Variants in EPHB2 observed in about 807,000 individuals in gnomAD.
EPHB2 encodes EPH receptor B2.
A neutral mutation model predicts 96.4 loss-of-function variants in EPHB2; 18 were observed. The observed-to-expected ratio is 0.19, with a 90% CI of 0.13 to 0.28. EPHB2 has a LOEUF of 0.28. Ranked by LOEUF, EPHB2 falls within the 10% of genes least tolerant of loss-of-function variation. The pLI, the probability that EPHB2 is intolerant of heterozygous loss-of-function variation, is 1.00. For synonymous variants in EPHB2, 506 were observed against 534.1 expected, an observed-to-expected ratio of 0.95 and a Z score of 0.72; for missense variants, 989 against 1,355.4, an observed-to-expected ratio of 0.73 and a Z score of 4.25.
chr1:22,895,642 T>A, intron 8 of EPHB2, 62 bp downstream of exon 8: 1 of 1,437,790 alleles, frequency 7.0e-7, no homozygotes, highest in Non-Finnish European at 9.8e-7. Flanking sequence ...CTCTCTCTAT[T>A]CAGTCATCCC....
rs1238491852 is a variant in EPHB2 at position 22,858,556 on chromosome 1, A to G, written c.812-4481A>G. Among the ~76,000 whole-genome samples the G allele has an allele frequency of 6.6e-6, 1 of 152,072 alleles. No individual in the cohort carries two copies. The highest frequency in any genetic ancestry group is 2.4e-5 in the African/African-American group (1 of 41,376). ...AGCCCACACGCCCGTCAGAGGTACAACTGCCTTCCTGTGTTTCAGGTCTCA... is the reference window on the plus strand; with the variant it reads ...AGCCCACACGCCCGTCAGAGGTACAGCTGCCTTCCTGTGTTTCAGGTCTCA... On this transcript the variant is annotated intron_variant, in intron 3 of 15. Transcript: ENST00000374630. The surrounding 1 kb of genome is among the most constrained non-coding windows in gnomAD (Gnocchi z 7.7).
chr1:22,878,580 A>C (rs887342401), intron 5 of EPHB2, among the ~76,000 whole-genome samples: 16 of 152,212 alleles, frequency 1.1e-4, no homozygotes, highest in African/African-American at 3.9e-4. Context: ...CCAGCACCCC[A>C]CTCAGACCTT....
chr1:22,912,681 G>A (rs1247654300), intron 15 of EPHB2, 82 bp downstream of exon 15: 7 of 1,588,968 alleles, frequency 4.4e-6, no homozygotes, highest in Admixed American at 3.3e-5. Flanking sequence ...GATCTGGAGG[G>A]TGAGGAATAG....
chr1:22,896,937 A>G (rs1386649133), intron 9 of EPHB2, among the ~76,000 whole-genome samples: 4 of 152,240 alleles, frequency 2.6e-5, no homozygotes, highest in Non-Finnish European at 2.9e-5. Flanking sequence ...ATATTTGCAG[A>G]ATAAATAAAT....
At chr1:22,751,354 C>G (rs1486373712) in intron 1 of EPHB2, among the ~76,000 whole-genome samples, 1 of 152,146 alleles carries the variant, frequency 6.6e-6, no homozygotes. Context: ...GCTCACCTGC[C>G]CAGAAGTGTC....
At chr1:22,870,900 C>T (rs922523114) in intron 5 of EPHB2, among the ~76,000 whole-genome samples, 2 of 152,186 alleles carry the variant, frequency 1.3e-5, no homozygotes, top group African/African-American at 2.4e-5. Context: ...ATAGCTTCGC[C>T]CTCTCCTTAC....
At chr1:22,755,086 C>A (rs1644128626) in intron 1 of EPHB2, among the ~76,000 whole-genome samples, 1 of 152,120 alleles carries the variant, frequency 6.6e-6, no homozygotes, top group Non-Finnish European at 1.5e-5. Context: ...GAGGTGTTAA[C>A]GTCTCAGCAG....
At chr1:22,893,602 A>G (rs1639461271) in intron 7 of EPHB2, among the ~76,000 whole-genome samples, 1 of 152,168 alleles carries the variant, frequency 6.6e-6, no homozygotes, top group African/African-American at 2.4e-5. Context: ...GAAGCAGCAC[A>G]GTTTAAAGAA....
intron 3 of EPHB2, among the ~76,000 whole-genome samples, chr1:22,829,890 T>G (rs1291538904): frequency 2.0e-5 from 3 of 152,094 alleles, no homozygotes; most frequent in Non-Finnish European, 2.9e-5. Context: ...CAGGAATCAT[T>G]AGGAGCTTTT....
At chr1:22,905,582 G>A (rs115534942) in intron 9 of EPHB2, among the ~76,000 whole-genome samples, 1,798 of 152,224 alleles carry the variant, frequency 0.012, 32 homozygotes, top group African/African-American at 0.041. Context: ...GTTCCAATTC[G>A]CTCCCTTCCT....
At chr1:22,735,920 G>C (rs529216681) in intron 1 of EPHB2, among the ~76,000 whole-genome samples, 1 of 152,288 alleles carries the variant, frequency 6.6e-6, no homozygotes, top group Admixed American at 6.5e-5. Context: ...GCAGCCTAAG[G>C]TATCTTGTAC....
At chr1:22,849,943 G>A (rs1052978361) in intron 3 of EPHB2, among the ~76,000 whole-genome samples, 4 of 146,056 alleles carry the variant, frequency 2.7e-5, no homozygotes, top group South Asian at 2.1e-4. Context: ...CTGCATCCCC[G>A]GGGGGTCCGG....
At chr1:22,777,552 A>G (rs1183884112) in intron 1 of EPHB2, among the ~76,000 whole-genome samples, 1 of 152,204 alleles carries the variant, frequency 6.6e-6, no homozygotes, top group Non-Finnish European at 1.5e-5. Flanking sequence ...GGCAATAACT[A>G]TTAACTCCAG....
intron 3 of EPHB2, among the ~76,000 whole-genome samples, chr1:22,813,471 G>A (rs1018857949): frequency 1.3e-5 from 2 of 152,204 alleles, no homozygotes; most frequent in South Asian, 2.1e-4. Context: ...GGTGCAGTCC[G>A]GCTCCTTGTG....
At chr1:22,735,600 C>T (rs2148357559) in intron 1 of EPHB2, among the ~76,000 whole-genome samples, 1 of 152,314 alleles carries the variant, frequency 6.6e-6, no homozygotes, top group Admixed American at 6.5e-5. Flanking sequence ...CCTCTGAACT[C>T]CCAGCAGGGA....
At chr1:22,902,914 A>G (rs1286231110) in intron 9 of EPHB2, among the ~76,000 whole-genome samples, 3 of 152,238 alleles carry the variant, frequency 2.0e-5, no homozygotes, top group South Asian at 4.1e-4. Flanking sequence ...AGGGGATGGC[A>G]TTTGATCTGG....
At chr1:22,815,254 G>A (rs1645057845) in intron 3 of EPHB2, among the ~76,000 whole-genome samples, 1 of 152,190 alleles carries the variant, frequency 6.6e-6, no homozygotes, top group South Asian at 2.1e-4. Context: ...GGCTAGAGAT[G>A]GAAGGTGGGG....
intron 6 of EPHB2, 196 bp from the exon 7 acceptor site, chr1:22,892,681 ATACTCTG>A: frequency 1.4e-6 from 1 of 735,220 alleles, no homozygotes; most frequent in East Asian, 2.5e-5. Context: ...ACAGAGACAT[ATACTCTG>A]CCTACCTTTG....
At position 22,910,383 on chromosome 1, in the gene EPHB2, T is replaced by C. The variant is rs1365283999; in HGVS notation, c.2504T>C (p.Val835Ala). 1 of 1,614,146 alleles carries C rather than the reference T, an allele frequency of 6.2e-7. No individual in the cohort carries two copies. The highest frequency in any genetic ancestry group is 1.1e-5 in the South Asian group (1 of 91,088). ...CACTGCACTCCTGCATTGTCCCAGG[T>C]AATCAATGCCATTGAGCAGGACTAT... Reference protein sequence around the residue: ...RPYWDMTNQDVINAIEQDYRL... With the variant: ...RPYWDMTNQDAINAIEQDYRL... The change falls in exon 14 of 16, where the codon GTA (valine) becomes GCA (alanine). Residue 835 changes from valine (V) to alanine (A), a missense_variant and splice_region_variant. Val to Ala is a moderately conservative substitution (Grantham distance 64). Transcript: ENST00000374630.
Sources: allele counts gnomAD v4.1 joint callset (sites outside exome capture counted in the v4.1 genomes callset), GRCh38; gene constraint gnomAD v4.1.1; non-coding constraint Gnocchi (gnomAD v3.1); transcripts MANE v1.5; gene names NCBI Gene and HGNC (gene_info 2026-07-23, HGNC 2026-07-21).